SEMA6D: variants seen among roughly 807,000 people sequenced by gnomAD.
SEMA6D encodes the protein semaphorin 6D.
In SEMA6D, 35 loss-of-function variants were observed where a neutral mutation model predicts 106.6. The ratio of observed to expected loss-of-function variants is 0.33; its 90% CI spans 0.25 to 0.44. SEMA6D has a LOEUF of 0.44. SEMA6D is among the 20% of genes least tolerant of loss of function. The pLI is 1.00. For synonymous variants in SEMA6D, 499 were observed against 487.7 expected (o/e 1.02, Z -0.31); for missense variants, 1,185 against 1,345.9 (o/e 0.88, Z 1.87).
At chr15:47,234,558 C>T (rs2032418523) in intron 1 of SEMA6D, among the ~76,000 whole-genome samples, 1 of 151,906 alleles carries the variant, frequency 6.6e-6, no homozygotes, top group African/African-American at 2.4e-5. Flanking sequence ...ACTTTGCATA[C>T]CCATAGCTTA....
intron 3 of SEMA6D, among the ~76,000 whole-genome samples, chr15:47,519,609 C>T (rs2044504895): frequency 1.3e-5 from 2 of 152,164 alleles, no homozygotes; most frequent in African/African-American, 4.8e-5. Context: ...GTGCCATTTA[C>T]AAAACTCAGG....
At chr15:47,365,890 GGAGAGAGAGA>G (rs201368884) in intron 1 of SEMA6D, among the ~76,000 whole-genome samples, 81,162 of 119,850 alleles carry the variant, frequency 0.68, 27,627 homozygotes, top group Non-Finnish European at 0.73. Context: ...GAGAGAGAGA[GGAGAGAGAGA>G]GAGAGAGAGA....
chr15:47,385,814 AG>A (rs1276216994), intron 1 of SEMA6D, among the ~76,000 whole-genome samples: 3 of 152,200 alleles, frequency 2.0e-5, no homozygotes, highest in African/African-American at 7.2e-5. Context: ...GCTTCCAAGG[AG>A]TTAAGATAAG....
chr15:47,473,792 A>G (rs2042924071), intron 3 of SEMA6D, among the ~76,000 whole-genome samples: 1 of 151,756 alleles, frequency 6.6e-6, no homozygotes, highest in African/African-American at 2.4e-5. Context: ...ACTGCTCGAA[A>G]CTCATCATTT....
intron 1 of SEMA6D, chr15:47,360,219 T>C (rs1321060474): frequency 6.6e-6 from 1 of 152,230 alleles, no homozygotes; most frequent in Admixed American, 6.5e-5. Flanking sequence ...CCTGAGGCTA[T>C]TATTCCAGAT....
chr15:47,558,079 ACAT>A (rs2045967061), intron 3 of SEMA6D, among the ~76,000 whole-genome samples: 4 of 152,238 alleles, frequency 2.6e-5, no homozygotes, highest in Admixed American at 2.6e-4. Flanking sequence ...ATTACTGGAC[ACAT>A]CATTTCACTT....
At chr15:47,268,543 T>C (rs900977268) in intron 1 of SEMA6D, among the ~76,000 whole-genome samples, 1 of 152,202 alleles carries the variant, frequency 6.6e-6, no homozygotes, top group African/African-American at 2.4e-5. Flanking sequence ...TCTTTTGAGA[T>C]TCCATTAAAT....
chr15:47,512,072 T>G (rs12440759), intron 3 of SEMA6D, among the ~76,000 whole-genome samples: 5 of 152,058 alleles, frequency 3.3e-5, no homozygotes, highest in Non-Finnish European at 5.9e-5. Context: ...ATTGAACTTT[T>G]AGTCAACATC....
intron 4 of SEMA6D, among the ~76,000 whole-genome samples, chr15:47,686,739 A>G (rs1280674981): frequency 6.6e-6 from 1 of 152,152 alleles, no homozygotes; most frequent in East Asian, 1.9e-4. Flanking sequence ...CACGCAAAAG[A>G]TAGAATTATC....
intron 1 of SEMA6D, among the ~76,000 whole-genome samples, chr15:47,750,250 C>A (rs541921527): frequency 2.0e-5 from 3 of 152,068 alleles, no homozygotes; most frequent in Non-Finnish European, 4.4e-5. Flanking sequence ...GAGCCTGGAG[C>A]AGTGGGAATT....
intron 3 of SEMA6D, among the ~76,000 whole-genome samples, chr15:47,526,343 G>A (rs890257298): frequency 2.0e-5 from 3 of 152,166 alleles, no homozygotes; most frequent in African/African-American, 7.2e-5. Flanking sequence ...AAGCTGGAAA[G>A]GGGGGTCCTT....
Position 47,267,043 on chromosome 15 carries a change from G to A in SEMA6D, c.-239+82625G>A, listed in dbSNP as rs1037293849. On this transcript the variant is annotated intron_variant, in intron 1 of 19. Coordinates refer to the SEMA6D transcript ENST00000558014. ...CAGAAACATCTCCAGTAATTCTACC[G>A]GGGCTTTCTTTATTTCTGAGTTCTT... Among the ~76,000 whole-genome samples, 8 of 152,118 alleles carry A rather than the reference G, an allele frequency of 5.3e-5. No individual in the cohort carries two copies. The South Asian group carries it at 1.2e-3, about 24-fold the overall frequency.
chr15:47,514,058 G>A (rs904198599), intron 3 of SEMA6D, among the ~76,000 whole-genome samples: 1 of 152,218 alleles, frequency 6.6e-6, no homozygotes, highest in Non-Finnish European at 1.5e-5. Context: ...TGGTTCACAA[G>A]TCATTGCTAA....
chr15:47,199,639 A>G (rs1055139235), intron 1 of SEMA6D, among the ~76,000 whole-genome samples: 1 of 152,160 alleles, frequency 6.6e-6, no homozygotes, highest in Non-Finnish European at 1.5e-5. Flanking sequence ...CTAGAAATTT[A>G]TTTATTCCAT....
chr15:47,611,024 TC>T (rs1290833620), intron 4 of SEMA6D, among the ~76,000 whole-genome samples: 2 of 152,136 alleles, frequency 1.3e-5, no homozygotes, highest in Non-Finnish European at 2.9e-5. Context: ...TTATCGTCAT[TC>T]CTAATGTAGG....
At chr15:47,495,640 ACTT>A (rs1261288208) in intron 3 of SEMA6D, among the ~76,000 whole-genome samples, 3 of 152,042 alleles carry the variant, frequency 2.0e-5, no homozygotes, top group African/African-American at 7.2e-5. Flanking sequence ...GGTACTTTCA[ACTT>A]TCCTTTATTC....
intron 3 of SEMA6D, among the ~76,000 whole-genome samples, chr15:47,590,953 T>G (rs1483620113): frequency 6.6e-6 from 1 of 152,182 alleles, no homozygotes; most frequent in Non-Finnish European, 1.5e-5. Flanking sequence ...CTCATACAAT[T>G]GCAATGAGAT....
At chr15:47,651,910 A>T (rs1034481442) in intron 4 of SEMA6D, among the ~76,000 whole-genome samples, 1 of 152,166 alleles carries the variant, frequency 6.6e-6, no homozygotes, top group Non-Finnish European at 1.5e-5. Context: ...TACAACAACC[A>T]CATCTTTCCC....
At chr15:47,445,294 G>A (rs537565417) in intron 2 of SEMA6D, among the ~76,000 whole-genome samples, 37 of 152,128 alleles carry the variant, frequency 2.4e-4, no homozygotes, top group African/African-American at 8.7e-4. Flanking sequence ...GGTTTGCTGG[G>A]GGACCTCTGC....
Sources: allele counts gnomAD v4.1 joint callset (sites outside exome capture counted in the v4.1 genomes callset), GRCh38; gene constraint gnomAD v4.1.1; transcripts MANE v1.5; gene names NCBI Gene and HGNC (gene_info 2026-07-23, HGNC 2026-07-21).